The following CAST variants were observed in gnomAD, a reference collection of about 807,000 sequenced individuals.
CAST encodes the protein MIR583 host.
CAST carries 76 observed loss-of-function variants against 119.6 expected under a neutral mutation model. The ratio of observed to expected loss-of-function variants is 0.64; its 90% CI spans 0.53 to 0.77. The LOEUF (loss-of-function observed/expected upper bound fraction) is 0.77, where lower values mean the gene tolerates loss of function less well. Among genes scored for constraint, CAST ranks in the 30% least tolerant of loss-of-function variants. CAST has a pLI of 0.00. For synonymous variants in CAST, 319 were observed against 331.6 expected (o/e 0.96, Z 0.41); for missense variants, 953 against 946.5 (o/e 1.01, Z -0.09).
the CAST span, among the ~76,000 whole-genome samples, chr5:96,124,513 C>T: frequency 1.3e-5 from 2 of 152,182 alleles, no homozygotes; most frequent in Non-Finnish European, 2.9e-5. Flanking sequence ...ACACATCCAA[C>T]TATATGGTTG....
rs1000978137 is a variant in CAST at position 96,722,618 on chromosome 5, A to C, written c.211-21A>C. The C allele has an allele frequency of 6.9e-6, 11 of 1,589,868 alleles. No homozygotes were observed. The African/African-American group carries it at 1.5e-4, about 21-fold the overall frequency. The stretch of plus-strand genomic sequence containing the variant: ...TAGGTTAAATAGAATCGAACTTTCT[A>C]TTTCTTTCTTTCCTTTCTAGGTGTC... On this transcript the variant is annotated intron_variant, in intron 3 of 31. Transcript: ENST00000675179.
chr5:96,193,558 T>G, the CAST span, among the ~76,000 whole-genome samples: 6 of 152,228 alleles, frequency 3.9e-5, no homozygotes. Context: ...ATTCAATGTG[T>G]TGTATGGCAA....
chr5:96,703,555 C>G (rs1364579304), intron 3 of CAST, among the ~76,000 whole-genome samples: 1 of 152,192 alleles, frequency 6.6e-6, no homozygotes, highest in Admixed American at 6.5e-5. Flanking sequence ...ATTTAACTTT[C>G]TCTTCTGTAT....
chr5:96,021,004 C>T, the CAST span, among the ~76,000 whole-genome samples: 2 of 151,918 alleles, frequency 1.3e-5, no homozygotes, highest in African/African-American at 4.8e-5. Context: ...TAAGATTAGT[C>T]AGAAATTTAA....
the CAST span, among the ~76,000 whole-genome samples, chr5:96,145,096 T>C: frequency 2.1e-3 from 313 of 152,358 alleles, 1 homozygote; most frequent in African/African-American, 7.2e-3. Flanking sequence ...GATTCCTAAG[T>C]GCTGTAACAT....
At chr5:96,415,089 A>G in the CAST span, among the ~76,000 whole-genome samples, 2 of 152,236 alleles carry the variant, frequency 1.3e-5, no homozygotes, top group East Asian at 1.9e-4. Context: ...ATAACATAAC[A>G]TGAAAGCCTG....
the CAST span, among the ~76,000 whole-genome samples, chr5:96,312,127 C>T: frequency 6.6e-6 from 1 of 152,080 alleles, no homozygotes; most frequent in Non-Finnish European, 1.5e-5. Context: ...TTACACACAA[C>T]ATCTTATAAC....
chr5:96,606,222 G>A (rs1747252060), intron 1 of CAST, among the ~76,000 whole-genome samples: 1 of 152,002 alleles, frequency 6.6e-6, no homozygotes, highest in Non-Finnish European at 1.5e-5. Context: ...CAGCCAATGT[G>A]GACAACCACT....
the CAST span, among the ~76,000 whole-genome samples, chr5:96,194,945 A>G: frequency 6.6e-6 from 1 of 152,184 alleles, no homozygotes; most frequent in African/African-American, 2.4e-5. Context: ...AGTAAGATGC[A>G]GGCATACCTT....
At chr5:96,731,620 T>C (rs368379398) in intron 9 of CAST, among the ~76,000 whole-genome samples, 60 of 151,388 alleles carry the variant, frequency 4.0e-4, no homozygotes, top group South Asian at 2.3e-3. Flanking sequence ...TCATCTAGCA[T>C]TAGGTATATC....
the CAST span, among the ~76,000 whole-genome samples, chr5:96,246,488 T>A: frequency 6.6e-6 from 1 of 152,160 alleles, no homozygotes; most frequent in Non-Finnish European, 1.5e-5. Context: ...AAACCTGTTT[T>A]CTTAACAAGC....
At chr5:96,164,970 T>C in the CAST span, among the ~76,000 whole-genome samples, 2 of 151,950 alleles carry the variant, frequency 1.3e-5, no homozygotes, top group Admixed American at 1.3e-4. Flanking sequence ...ACGTGAAGAA[T>C]GGGAATTCTG....
the CAST span, among the ~76,000 whole-genome samples, chr5:96,513,127 T>G: frequency 2.0e-5 from 3 of 152,154 alleles, no homozygotes; most frequent in African/African-American, 7.2e-5. Context: ...CGGCTGCTAA[T>G]TGGTTGTATG....
the CAST span, among the ~76,000 whole-genome samples, chr5:96,073,572 A>T: frequency 2.0e-5 from 3 of 152,088 alleles, no homozygotes; most frequent in African/African-American, 4.8e-5. Context: ...GATGGATGGC[A>T]GTGGGGTGGG....
At chr5:96,543,147 T>C (rs935869401) in intron 1 of CAST, among the ~76,000 whole-genome samples, 2 of 152,194 alleles carry the variant, frequency 1.3e-5, no homozygotes, top group Non-Finnish European at 2.9e-5. Context: ...TGCCCATCAA[T>C]GATAGACTGG....
At chr5:96,319,165 T>C in the CAST span, 1 of 152,196 alleles carries the variant, frequency 6.6e-6, no homozygotes, top group Non-Finnish European at 1.5e-5. Flanking sequence ...GATGCCAGGC[T>C]CTGTTAAACA....
chr5:96,393,378 C>G, the CAST span: 3 of 1,613,582 alleles, frequency 1.9e-6, no homozygotes, highest in Non-Finnish European at 2.5e-6. Flanking sequence ...GTGGGCTGCT[C>G]CTAAAACATA....
At chr5:96,693,916 CTATT>C (rs145055078) in intron 2 of CAST, among the ~76,000 whole-genome samples, 9,108 of 152,094 alleles carry the variant, frequency 0.06, 585 homozygotes, top group East Asian at 0.2. Context: ...TTGGGAGAGA[CTATT>C]TATTCTACAG....
the CAST span, among the ~76,000 whole-genome samples, chr5:96,452,726 G>T: frequency 1.4e-5 from 2 of 145,538 alleles, no homozygotes; most frequent in African/African-American, 5.2e-5. Flanking sequence ...CGAGGCGGGT[G>T]GATCATGAGG....
Sources: gnomAD v4.1 joint callset for allele counts (sites outside exome capture counted in the v4.1 genomes callset) on GRCh38, gnomAD v4.1.1 for gene constraint, MANE v1.5 for transcripts, NCBI Gene and HGNC (gene_info 2026-07-23, HGNC 2026-07-21) for gene names.